Variants in LGSN observed in about 807,000 individuals in gnomAD.
LGSN encodes lengsin.
A neutral mutation model predicts 19.5 loss-of-function variants in LGSN; 21 were observed. The observed-to-expected ratio is 1.07, with a 90% CI of 0.76 to 1.55. LGSN has a LOEUF of 1.55. LGSN is among the 40% of genes most tolerant of loss of function. The probability of loss-of-function intolerance (pLI) is 0.00; values close to 1 mark genes in which losing one functional copy is unlikely to be tolerated. For missense variants in LGSN, 673 were observed against 608.5 expected (o/e 1.11, Z -1.12); for synonymous variants, 257 against 215.6 (o/e 1.19, Z -1.68).
the LGSN span, among the ~76,000 whole-genome samples, chr6:63,447,821 T>C: frequency 6.6e-6 from 1 of 152,190 alleles, no homozygotes; most frequent in Admixed American, 6.5e-5. Context: ...TTGAGTTAGT[T>C]TGTAGATGCT....
At chr6:63,358,386 G>C in the LGSN span, among the ~76,000 whole-genome samples, 1 of 152,214 alleles carries the variant, frequency 6.6e-6, no homozygotes, top group African/African-American at 2.4e-5. Flanking sequence ...TTGGTAGCTT[G>C]ATGGGGATGG....
the LGSN span, among the ~76,000 whole-genome samples, chr6:63,354,384 GA>G: frequency 1.2e-3 from 175 of 152,166 alleles, 1 homozygote; most frequent in African/African-American, 4.0e-3. Flanking sequence ...GCAAATACAT[GA>G]AAAAATGTTC....
chr6:63,438,451 C>G, the LGSN span, among the ~76,000 whole-genome samples: 1 of 152,138 alleles, frequency 6.6e-6, no homozygotes, highest in African/African-American at 2.4e-5. Context: ...TTGCAACCTA[C>G]TCATCTGACT....
chr6:63,454,597 A>C, the LGSN span, among the ~76,000 whole-genome samples: 1 of 145,280 alleles, frequency 6.9e-6, no homozygotes, highest in Non-Finnish European at 1.5e-5. Flanking sequence ...TCAGCTTCCC[A>C]AGTAGCTGAG....
the LGSN span, among the ~76,000 whole-genome samples, chr6:63,558,786 A>C: frequency 3.0e-4 from 45 of 152,138 alleles, no homozygotes; most frequent in African/African-American, 9.9e-4. Context: ...AAATACCAAC[A>C]CCTATAGGGC....
the LGSN span, among the ~76,000 whole-genome samples, chr6:63,490,944 C>A: frequency 6.6e-6 from 1 of 152,074 alleles, no homozygotes; most frequent in East Asian, 1.9e-4. Flanking sequence ...CAAGAAGAGA[C>A]AGTGAATTCA....
chr6:63,281,768 A>G (rs1335123240), intron 3 of LGSN, among the ~76,000 whole-genome samples: 2 of 152,200 alleles, frequency 1.3e-5, no homozygotes, highest in Non-Finnish European at 2.9e-5. Flanking sequence ...CAGGGGAGCC[A>G]GGACGCTGAC....
chr6:63,397,302 G>C, the LGSN span, among the ~76,000 whole-genome samples: 1 of 152,162 alleles, frequency 6.6e-6, no homozygotes, highest in South Asian at 2.1e-4. Flanking sequence ...TACAAAGGGA[G>C]TATTCCAGGA....
the LGSN span, among the ~76,000 whole-genome samples, chr6:63,485,109 G>C: frequency 6.6e-6 from 1 of 151,840 alleles, no homozygotes; most frequent in Non-Finnish European, 1.5e-5. Context: ...ATCATGGGGG[G>C]TTGTACAGAT....
the LGSN span, among the ~76,000 whole-genome samples, chr6:63,562,338 T>C: frequency 2.0e-5 from 3 of 152,092 alleles, no homozygotes; most frequent in Admixed American, 6.5e-5. Flanking sequence ...TAGCTGGGAT[T>C]ACAGGCATGT....
the LGSN span, among the ~76,000 whole-genome samples, chr6:63,413,989 G>T: frequency 6.6e-6 from 1 of 152,056 alleles, no homozygotes; most frequent in Admixed American, 6.6e-5. Flanking sequence ...ATTCAGTATT[G>T]GTGGCTGTTA....
the LGSN span, among the ~76,000 whole-genome samples, chr6:63,550,672 T>C: frequency 6.6e-6 from 1 of 152,170 alleles, no homozygotes; most frequent in Non-Finnish European, 1.5e-5. Flanking sequence ...TTGCCCAGGC[T>C]GGAGTGCAGT....
chr6:63,298,722 A>C (rs1435892428), intron 1 of LGSN, among the ~76,000 whole-genome samples: 3 of 152,224 alleles, frequency 2.0e-5, no homozygotes, highest in South Asian at 2.1e-4. Flanking sequence ...TATAAAGATA[A>C]TTTAAAATTA....
At chr6:63,528,003 G>A in the LGSN span, 3 of 152,190 alleles carry the variant, frequency 2.0e-5, no homozygotes, top group East Asian at 5.8e-4. Flanking sequence ...TAATAGTTCT[G>A]CAGCTCTTGG....
chr6:63,482,126 A>G, the LGSN span, among the ~76,000 whole-genome samples: 3 of 152,062 alleles, frequency 2.0e-5, no homozygotes, highest in Non-Finnish European at 4.4e-5. Flanking sequence ...CACTTTGCCT[A>G]TTTACACTTG....
the LGSN span, among the ~76,000 whole-genome samples, chr6:63,547,193 T>A: frequency 6.7e-6 from 1 of 149,930 alleles, no homozygotes; most frequent in Non-Finnish European, 1.5e-5. Context: ...GGGAATTTTT[T>A]TTTTTTTTTT....
In LGSN at chr6:63,315,483, A is replaced by C. The variant is rs546993318; in HGVS notation, c.30+4431T>G. On this transcript the variant is annotated intron_variant, in intron 1 of 3. Coordinates refer to ENST00000370657, the MANE Select transcript of LGSN (RefSeq NM_016571.3). ...ACTCTATAAATTTTACCTTTTCTTT[A>C]GGGTTTTTTCACAGTAGTTACCCTC... Among the ~76,000 whole-genome samples, 15 of 152,112 alleles carry C rather than the reference A, an allele frequency of 9.9e-5. No homozygotes were observed. The South Asian group carries it at 2.7e-3, about 27-fold the overall frequency.
chr6:63,571,823 TAGCCTTA>T, the LGSN span: 1 of 152,272 alleles, frequency 6.6e-6, no homozygotes, highest in African/African-American at 2.4e-5. Flanking sequence ...CCATCTTCTA[TAGCCTTA>T]AGTTTTGCGA....
the LGSN span, among the ~76,000 whole-genome samples, chr6:63,536,666 CA>C: frequency 1.3e-5 from 2 of 152,172 alleles, no homozygotes; most frequent in African/African-American, 4.8e-5. Context: ...GTTTTATCCA[CA>C]AGGATAATAA....
Sources: allele counts gnomAD v4.1 joint callset (sites outside exome capture counted in the v4.1 genomes callset), GRCh38; gene constraint gnomAD v4.1.1; transcripts MANE v1.5; gene names NCBI Gene and HGNC (gene_info 2026-07-23, HGNC 2026-07-21).